VPS41: variants seen among roughly 807,000 people sequenced by gnomAD.
VPS41 encodes the protein VPS41 subunit of HOPS complex.
A neutral mutation model predicts 130.9 loss-of-function variants in VPS41; 85 were observed. The ratio of observed to expected loss-of-function variants is 0.65; its 90% confidence interval spans 0.55 to 0.78. VPS41 has a LOEUF of 0.78. VPS41 is among the 30% of genes least tolerant of loss of function. The pLI is 0.00. For missense variants in VPS41, 874 were observed against 1,018.7 expected (o/e 0.86, Z 1.93); for synonymous variants, 335 against 332.9 (o/e 1.01, Z -0.07).
intron 12 of VPS41, 95 bp downstream of exon 12, chr7:38,774,020 T>C (rs1276088783): frequency 1.6e-6 from 2 of 1,245,012 alleles, no homozygotes; most frequent in African/African-American, 3.0e-5. Context: ...TAAGATTCTT[T>C]CAGCACCTTA....
At chr7:38,887,014 C>T (rs1243477061) in intron 2 of VPS41, among the ~76,000 whole-genome samples, 2 of 152,180 alleles carry the variant, frequency 1.3e-5, no homozygotes, top group Non-Finnish European at 2.9e-5. Flanking sequence ...ACCAAAATCC[C>T]ATACATAGGT....
chr7:38,902,775 G>A (rs185757088), intron 1 of VPS41, among the ~76,000 whole-genome samples: 6 of 152,306 alleles, frequency 3.9e-5, no homozygotes, highest in Admixed American at 3.9e-4. Context: ...GGGTCTCTCA[G>A]GGATACCCCA....
At position 38,870,631 on chromosome 7, in the gene VPS41, G is replaced by A. The variant is rs184066981; in HGVS notation, c.61-1378C>T. Among the ~76,000 whole-genome samples the A allele has an allele frequency of 4.4e-4, 66 of 150,960 alleles. 1 individual carries two copies. Among genetic ancestry groups the A allele is most frequent in the Admixed American group, 1.6e-3 (24 of 15,124 alleles). ...AATATTACCAGGTATGCCATAAGAC[G>A]GGACCAAATGACCAAAAATCAGGAT... On this transcript the variant is annotated intron_variant, in intron 2 of 28. Transcript: ENST00000310301.
At chr7:38,890,356 T>C (rs1290567265) in intron 2 of VPS41, among the ~76,000 whole-genome samples, 3 of 152,122 alleles carry the variant, frequency 2.0e-5, no homozygotes, top group African/African-American at 4.8e-5. Flanking sequence ...GGAGAACAGA[T>C]TAGTAGTTGC....
chr7:38,882,554 T>C (rs940864667), intron 2 of VPS41, among the ~76,000 whole-genome samples: 4 of 152,118 alleles, frequency 2.6e-5, no homozygotes, highest in Non-Finnish European at 4.4e-5. Flanking sequence ...ACTAGACAAT[T>C]CCACTTGGAT....
chr7:38,898,027 A>T (rs1787048038), intron 2 of VPS41, 64 bp downstream of exon 2: 1 of 1,456,808 alleles, frequency 6.9e-7, no homozygotes, highest in African/African-American at 1.4e-5. Context: ...TTAGCAAAGA[A>T]GCGCAACTCA....
chr7:38,897,025 C>A (rs1787015900), intron 2 of VPS41, among the ~76,000 whole-genome samples: 1 of 151,784 alleles, frequency 6.6e-6, no homozygotes, highest in South Asian at 2.1e-4. Flanking sequence ...GAAACCCTGT[C>A]TCTACTAAAA....
chr7:38,767,701 T>G, intron 14 of VPS41, 103 bp from the exon 15 acceptor site: 3 of 693,702 alleles, frequency 4.3e-6, no homozygotes, highest in Non-Finnish European at 7.3e-6. Flanking sequence ...CTATTAGCTC[T>G]ACTGACTATA....
intron 7 of VPS41, among the ~76,000 whole-genome samples, chr7:38,808,572 T>G (rs1007801125): frequency 2.0e-5 from 3 of 152,216 alleles, no homozygotes; most frequent in African/African-American, 7.2e-5. Context: ...GGTGTAACTG[T>G]GAATTAACTA....
intron 2 of VPS41, among the ~76,000 whole-genome samples, chr7:38,869,818 C>G (rs952688327): frequency 6.6e-6 from 1 of 152,006 alleles, no homozygotes; most frequent in African/African-American, 2.4e-5. Flanking sequence ...TTTGTAGAGT[C>G]AAAAAACCAT....
At chr7:38,874,626 C>G (rs1786448070) in intron 2 of VPS41, among the ~76,000 whole-genome samples, 2 of 152,088 alleles carry the variant, frequency 1.3e-5, no homozygotes, top group African/African-American at 4.8e-5. Context: ...TGTTTTAAAG[C>G]TAGATACAAT....
chr7:38,825,261 C>A (rs1203234062), intron 5 of VPS41, among the ~76,000 whole-genome samples: 1 of 152,128 alleles, frequency 6.6e-6, no homozygotes, highest in East Asian at 1.9e-4. Flanking sequence ...TTCTTATATT[C>A]TATTTCAATA....
intron 3 of VPS41, among the ~76,000 whole-genome samples, chr7:38,865,079 A>T (rs1786199996): frequency 6.6e-6 from 1 of 152,162 alleles, no homozygotes; most frequent in Non-Finnish European, 1.5e-5. Context: ...AATATCATCT[A>T]CCTTCACATA....
chr7:38,757,440 TGTTTTTCACATTAA>T (rs1239099951), intron 18 of VPS41, among the ~76,000 whole-genome samples: 5 of 152,182 alleles, frequency 3.3e-5, no homozygotes, highest in African/African-American at 1.2e-4. Context: ...ATTGAAACAA[TGTTTTTCACATTAA>T]GTCCCTAAGT....
intron 9 of VPS41, among the ~76,000 whole-genome samples, chr7:38,795,195 G>A (rs1269985104): frequency 6.6e-6 from 1 of 152,170 alleles, no homozygotes; most frequent in African/African-American, 2.4e-5. Context: ...GGCCAGCTGG[G>A]ATGTGAGAAA....
chr7:38,801,749 C>T (rs1156933066), intron 7 of VPS41, among the ~76,000 whole-genome samples: 2 of 152,194 alleles, frequency 1.3e-5, no homozygotes, highest in Non-Finnish European at 1.5e-5. Flanking sequence ...ATATCTTATA[C>T]TTTGCTAGAC....
intron 25 of VPS41, among the ~76,000 whole-genome samples, chr7:38,734,775 C>G (rs954275557): frequency 6.6e-6 from 1 of 152,172 alleles, no homozygotes; most frequent in Admixed American, 6.5e-5. Flanking sequence ...GCTGACATTG[C>G]CTTGTTCATA....
intron 1 of VPS41, among the ~76,000 whole-genome samples, chr7:38,907,118 C>T (rs553584644): frequency 2.4e-4 from 36 of 149,900 alleles, no homozygotes; most frequent in Non-Finnish European, 1.5e-4. Flanking sequence ...GTATGTCAAA[C>T]GGTGATGCAC....
chr7:38,736,969 A>G (rs1228709909), intron 25 of VPS41, among the ~76,000 whole-genome samples: 2 of 152,208 alleles, frequency 1.3e-5, no homozygotes, highest in Non-Finnish European at 2.9e-5. Flanking sequence ...CTTATTTTCA[A>G]TATGCAGAGA....
Sources: gnomAD v4.1 joint callset for allele counts (sites outside exome capture counted in the v4.1 genomes callset) on GRCh38, gnomAD v4.1.1 for gene constraint, MANE v1.5 for transcripts, NCBI Gene and HGNC (gene_info 2026-07-23, HGNC 2026-07-21) for gene names.